The following AMMECR1 variants were observed in gnomAD, a reference collection of about 807,000 sequenced individuals.
The protein encoded by AMMECR1 is AMMECR nuclear protein 1, also known as nuclear protein AMMECR1.
A neutral mutation model predicts 22.5 loss-of-function variants in AMMECR1; 3 were observed. The observed-to-expected ratio is 0.13, with a 90% CI of 0.06 to 0.35. The LOEUF is 0.35. Among genes scored for constraint, AMMECR1 ranks in the 10% least tolerant of loss-of-function variants. AMMECR1 has a pLI of 1.00. For synonymous variants in AMMECR1, 130 were observed against 116.7 expected, an observed-to-expected ratio of 1.11 and a Z score of -0.74; for missense variants, 235 against 278.7, an observed-to-expected ratio of 0.84 and a Z score of 1.12.
intron 3 of AMMECR1, among the ~76,000 whole-genome samples, 189 bp downstream of exon 3, chrX:110,216,329 G>A (rs886622652): frequency 5.4e-5 from 6 of 111,651 alleles, no homozygotes; most frequent in African/African-American, 9.8e-5. Flanking sequence ...ATAACAACAC[G>A]TGGCACTTTG....
At chrX:110,307,429 T>C (rs188681797) in intron 1 of AMMECR1, among the ~76,000 whole-genome samples, 4 of 111,873 alleles carry the variant, frequency 3.6e-5, no homozygotes, top group Non-Finnish European at 1.9e-5. Context: ...TTTGTATGAC[T>C]GTATTCTGCA....
At chrX:110,290,680 C>G (rs2067903282) in intron 1 of AMMECR1, among the ~76,000 whole-genome samples, 1 of 110,883 alleles carries the variant, frequency 9.0e-6, no homozygotes, top group South Asian at 3.8e-4. Flanking sequence ...CAATTTCCCT[C>G]CTAAATCAAT....
At chrX:110,282,886 A>G (rs1194180177) in intron 1 of AMMECR1, among the ~76,000 whole-genome samples, 1 of 111,526 alleles carries the variant, frequency 9.0e-6, no homozygotes, top group East Asian at 2.8e-4. Flanking sequence ...TCTTCTCGGC[A>G]AGATTGGTTT....
At chrX:110,336,521 T>TA (rs748064659) in intron 2 of AMMECR1, among the ~76,000 whole-genome samples, 1 of 109,596 alleles carries the variant, frequency 9.1e-6, no homozygotes, top group South Asian at 3.9e-4. Context: ...CTGTCTCTAC[T>TA]AAAAAAACAA....
At chrX:110,345,494 T>A (rs1280231207) in intron 2 of AMMECR1, among the ~76,000 whole-genome samples, 1 of 104,686 alleles carries the variant, frequency 9.6e-6, no homozygotes, top group Admixed American at 1.0e-4. Context: ...TAAAGTGTAA[T>A]AAAAAAAATA....
intron 2 of AMMECR1, among the ~76,000 whole-genome samples, chrX:110,332,760 A>C (rs1462371569): frequency 2.7e-5 from 3 of 111,523 alleles, no homozygotes; most frequent in Admixed American, 9.6e-5. Flanking sequence ...GACTTGTCCC[A>C]GAGGGTTAAC....
intron 1 of AMMECR1, among the ~76,000 whole-genome samples, chrX:110,314,879 T>C (rs1297330026): frequency 2.7e-5 from 3 of 111,813 alleles, no homozygotes; most frequent in African/African-American, 6.5e-5. Context: ...GATAACTAAC[T>C]GATGGATCTA....
chrX:110,436,776 G>A (rs958334059), intron 1 of AMMECR1, among the ~76,000 whole-genome samples: 2 of 112,015 alleles, frequency 1.8e-5, no homozygotes, highest in Non-Finnish European at 3.8e-5. Context: ...TCCCCTGAGG[G>A]AGGTAGAGAG....
chrX:110,262,695 G>GTATA (rs1360602496), intron 2 of AMMECR1, among the ~76,000 whole-genome samples: 1 of 111,913 alleles, frequency 8.9e-6, no homozygotes, highest in African/African-American at 3.2e-5. Context: ...GATTTCTAAG[G>GTATA]TATATAATGT....
chrX:110,227,356 C>T (rs1026394353), intron 2 of AMMECR1, among the ~76,000 whole-genome samples: 2 of 111,838 alleles, frequency 1.8e-5, no homozygotes, highest in African/African-American at 6.5e-5. Flanking sequence ...TCCTATCATG[C>T]GGCCTGTTTA....
In AMMECR1 at chrX:110,223,230, A is replaced by G. The variant is rs576694702; in HGVS notation, c.585-6598T>C. Among the ~76,000 whole-genome samples, 56 of 112,828 alleles carry G rather than the reference A, an allele frequency of 5.0e-4. No individual in the cohort carries two copies. In the South Asian group the frequency reaches 8.4e-3, roughly 17 times the overall value. ...TTATTTCCCTCTACAAAATGTCTAC[A>G]TAATGCTTTCTCTGCAGAGTTTCTA... On this transcript the variant is annotated intron_variant, in intron 2 of 5. Transcript: ENST00000262844.
chrX:110,385,524 T>A (rs1357673875), intron 2 of AMMECR1, among the ~76,000 whole-genome samples: 1 of 111,274 alleles, frequency 9.0e-6, no homozygotes, highest in African/African-American at 3.3e-5. Context: ...AAGCTCCCTC[T>A]CCCCCTTCCC....
At chrX:110,249,630 G>A (rs1023276167) in intron 2 of AMMECR1, among the ~76,000 whole-genome samples, 1 of 111,776 alleles carries the variant, frequency 8.9e-6, no homozygotes, top group Non-Finnish European at 1.9e-5. Flanking sequence ...GGCTGGGTGC[G>A]GTGGCTCACA....
intron 2 of AMMECR1, among the ~76,000 whole-genome samples, chrX:110,384,244 T>G (rs759296358): frequency 9.0e-6 from 1 of 111,103 alleles, no homozygotes; most frequent in South Asian, 3.9e-4. Context: ...GTGTTAAGTA[T>G]GGGCTCATTA....
At chrX:110,358,032 A>C (rs73636955) in intron 2 of AMMECR1, among the ~76,000 whole-genome samples, 4,252 of 111,834 alleles carry the variant, frequency 0.038, 192 homozygotes, top group African/African-American at 0.13. Flanking sequence ...TTTGAAAAAA[A>C]ATTCTTTGCC....
chrX:110,360,364 C>A (rs2068255421), intron 2 of AMMECR1, among the ~76,000 whole-genome samples: 1 of 111,636 alleles, frequency 9.0e-6, no homozygotes, highest in Non-Finnish European at 1.9e-5. Flanking sequence ...ATGCATAGCA[C>A]TGTTTTAGAA....
intron 1 of AMMECR1, among the ~76,000 whole-genome samples, chrX:110,303,931 T>C (rs186196758): frequency 1.8e-5 from 2 of 112,310 alleles, no homozygotes; most frequent in East Asian, 2.8e-4. Flanking sequence ...GTTACTAAAA[T>C]AGAATTTTAC....
chrX:110,385,379 CTATT>C (rs1250982624), intron 2 of AMMECR1, among the ~76,000 whole-genome samples: 1 of 111,215 alleles, frequency 9.0e-6, no homozygotes, highest in Non-Finnish European at 1.9e-5. Context: ...ATAAATTCAC[CTATT>C]TAAAGTGTAC....
At chrX:110,231,569 T>C (rs908397895) in intron 2 of AMMECR1, among the ~76,000 whole-genome samples, 1 of 111,942 alleles carries the variant, frequency 8.9e-6, no homozygotes, top group African/African-American at 3.3e-5. Context: ...ACATGCCAAA[T>C]TGTAAAGACC....
Sources: allele counts gnomAD v4.1 joint callset (sites outside exome capture counted in the v4.1 genomes callset), GRCh38; gene constraint gnomAD v4.1.1; transcripts MANE v1.5; gene names NCBI Gene and HGNC (gene_info 2026-07-23, HGNC 2026-07-21).